Variants in FRMPD3 observed in about 807,000 individuals in gnomAD.
FRMPD3 encodes FERM and PDZ domain-containing protein 3.
A neutral mutation model predicts 97.9 loss-of-function variants in FRMPD3; 42 were observed. The observed-to-expected ratio is 0.43, with a 90% CI of 0.34 to 0.55. The LOEUF is 0.55. Among genes scored for constraint, FRMPD3 ranks in the 20% least tolerant of loss-of-function variants. The pLI, the probability that FRMPD3 is intolerant of heterozygous loss-of-function variation, is 0.03. For missense variants in FRMPD3, 1,303 were observed against 1,457.7 expected (o/e 0.89, Z 1.73); for synonymous variants, 577 against 581.1 (o/e 0.99, Z 0.10).
intron 4 of FRMPD3, 77 bp downstream of exon 4, chrX:107,533,627 G>T: frequency 1.0e-6 from 1 of 973,158 alleles, no homozygotes. Context: ...AAGCAACAGT[G>T]ATGGGGTTGG....
Position 107,603,593 on chromosome X carries a change from T to A in FRMPD3, c.*220T>A. 1 of 621,170 alleles carries A rather than the reference T, an allele frequency of 1.6e-6. No homozygotes were observed. The highest frequency in any genetic ancestry group is 2.3e-6 in the Non-Finnish European group (1 of 435,649). The allele number at this position is 621,170 out of a possible 1,213,427, so 51.2% of individuals were successfully genotyped here. A position where few individuals can be genotyped will look rare whatever the true frequency, so the allele number is the denominator to read the frequency against. On this transcript the variant is annotated 3_prime_UTR_variant, in exon 15 of 15. Transcript: ENST00000683843. The stretch of plus-strand genomic sequence containing the variant: ...GTGTCCTCACCCCTTCCCTGGCCTC[T>A]GGGCCTCACTGTGAGGGCAAAGGCC...
rs757690539 is a variant in FRMPD3, at chrX:107,457,784, C to T, written c.-8+7779C>T. 9.8e-5 allele frequency among the ~76,000 whole-genome samples: 11 copies of T among 112,125 alleles called. No individual in the cohort carries two copies. The South Asian group carries it at 3.4e-3, about 35-fold the overall frequency. On this transcript the variant is annotated intron_variant, in intron 1 of 14. Coordinates refer to ENST00000683843, the MANE Select transcript of FRMPD3 (RefSeq NM_001388459.1). Reference sequence around the variant, plus strand: ...TGAATTGGATTAGGTGAGAACTACTCTCAGCTCCATCCCATCATACCCTCC... The same window carrying T: ...TGAATTGGATTAGGTGAGAACTACTTTCAGCTCCATCCCATCATACCCTCC...
At chrX:107,480,698 G>A (rs924984464) in intron 1 of FRMPD3, among the ~76,000 whole-genome samples, 1 of 107,451 alleles carries the variant, frequency 9.3e-6, no homozygotes, top group Non-Finnish European at 1.9e-5. Flanking sequence ...ATGTGGTGGC[G>A]GGTGCCTATA....
Position 107,560,369 on chromosome X carries a change from A to G in FRMPD3, c.875A>G (p.Gln292Arg). The stretch of plus-strand genomic sequence containing the variant: ...ACTGTCTCAGCCACTCGACCTAGTC[A>G]GAAGATCTCGCTCAAGAATGTGGAG... ...YITVSATRPS[Q>R]KISLKNVEKE... The change falls in exon 9 of 15, where the codon CAG (glutamine) becomes CGG (arginine). Residue 292 changes from glutamine to arginine, a missense_variant. Gln to Arg is a conservative substitution (Grantham distance 43). This residue lies in a region of FRMPD3 where 535 missense variants were observed against 618.6 expected (regional missense o/e 0.86). Transcript: ENST00000683843. 1 of 1,209,854 alleles carries G rather than the reference A, an allele frequency of 8.3e-7. No homozygotes were observed. Among genetic ancestry groups the G allele is most frequent in the Non-Finnish European group, 1.1e-6 (1 of 895,212 alleles).
At chrX:107,532,176 G>A (rs948130866) in intron 3 of FRMPD3, among the ~76,000 whole-genome samples, 9 of 112,931 alleles carry the variant, frequency 8.0e-5, no homozygotes, top group Non-Finnish European at 1.9e-5. Flanking sequence ...AGTAGATCTA[G>A]GTAAAGAGGA....
intron 11 of FRMPD3, among the ~76,000 whole-genome samples, chrX:107,563,787 A>G (rs1045315203): frequency 3.6e-5 from 4 of 111,703 alleles, no homozygotes; most frequent in Non-Finnish European, 5.6e-5. Context: ...TTTGTTCCAC[A>G]TACTCCCACA....
chrX:107,520,016 G>T (rs1402300933), intron 1 of FRMPD3, among the ~76,000 whole-genome samples: 2 of 111,085 alleles, frequency 1.8e-5, no homozygotes, highest in African/African-American at 3.3e-5. Context: ...ATTTGAAAGG[G>T]AGGAGAAAAA....
intron 4 of FRMPD3, among the ~76,000 whole-genome samples, chrX:107,539,420 G>A (rs1035444146): frequency 2.5e-4 from 28 of 111,962 alleles, no homozygotes; most frequent in African/African-American, 8.8e-4. Context: ...CACACAGTAG[G>A]CACTCAGTAA....
At chrX:107,530,374 C>T in intron 2 of FRMPD3, 35 bp from the exon 3 acceptor site, 1 of 1,099,386 alleles carries the variant, frequency 9.1e-7, no homozygotes, top group Non-Finnish European at 1.2e-6. Context: ...CAGCAGTAAC[C>T]CTAAGCCCTC....
At chrX:107,455,875 G>A in intron 1 of FRMPD3, among the ~76,000 whole-genome samples, 1 of 111,314 alleles carries the variant, frequency 9.0e-6, no homozygotes, top group Non-Finnish European at 1.9e-5. Context: ...AGTGCCTAGT[G>A]CATAGAAGAG....
Position 107,485,473 on chromosome X carries a change from A to G in FRMPD3, c.-8+35468A>G, listed in dbSNP as rs762652796. Among the ~76,000 whole-genome samples, 5 of 112,846 alleles carry G rather than the reference A, an allele frequency of 4.4e-5. No homozygotes were observed. The East Asian group carries it at 1.4e-3, about 31-fold the overall frequency. ...CTATTCAGATGTAGCAACAGTTTCA[A>G]TTTTATTCAACCACGTTAGAAAATA... On this transcript the variant is annotated intron_variant, in intron 1 of 14. Coordinates refer to ENST00000683843, the MANE Select transcript of FRMPD3 (RefSeq NM_001388459.1).
intron 1 of FRMPD3, among the ~76,000 whole-genome samples, chrX:107,481,206 T>G (rs1157968829): frequency 2.7e-5 from 3 of 112,038 alleles, no homozygotes; most frequent in Non-Finnish European, 5.6e-5. Flanking sequence ...GCTTTGCTGA[T>G]GAGGGAGAAG....
At chrX:107,550,807 T>G (rs1921831186) in intron 6 of FRMPD3, among the ~76,000 whole-genome samples, 1 of 111,771 alleles carries the variant, frequency 8.9e-6, no homozygotes, top group African/African-American at 3.3e-5. Flanking sequence ...AAATATCCAT[T>G]CCTGCATCTT....
At chrX:107,450,173 G>A (rs1490289957) in intron 1 of FRMPD3, among the ~76,000 whole-genome samples, 168 bp downstream of exon 1, 2 of 111,242 alleles carry the variant, frequency 1.8e-5, no homozygotes, top group Admixed American at 9.3e-5. Flanking sequence ...GCCGCCCGGA[G>A]TTTGGGCGGG....
In FRMPD3 at chrX:107,480,048, A is replaced by C. The variant is rs187308661; in HGVS notation, c.-8+30043A>C. On this transcript the variant is annotated intron_variant, in intron 1 of 14. Transcript: ENST00000683843. ...ACCCTGTCTCATTTAAAAAAAAAAA[A>C]AAAACCATGATTATTGTATTGGTCT... 2.6e-3 allele frequency among the ~76,000 whole-genome samples: 284 copies of C among 110,463 alleles called. 2 individuals are homozygous for C. The highest frequency in any genetic ancestry group is 2.6e-3 in the Non-Finnish European group (138 of 52,887).
At chrX:107,593,067 C>T (rs12012807) in intron 13 of FRMPD3, among the ~76,000 whole-genome samples, 4,544 of 111,507 alleles carry the variant, frequency 0.041, 211 homozygotes, top group African/African-American at 0.14. Flanking sequence ...TGTGCTATCG[C>T]GCCCAGCCAT....
At chrX:107,545,915 G>A in intron 5 of FRMPD3, 74 bp downstream of exon 5, 4 of 814,553 alleles carry the variant, frequency 4.9e-6, no homozygotes, top group Admixed American at 2.5e-5. Flanking sequence ...TCGCTCTGGG[G>A]CTTCTTATAG....
chrX:107,449,710 C>A lies in FRMPD3; in HGVS notation c.-303C>A, dbSNP rs1931237763. Among the ~76,000 whole-genome samples the A allele has an allele frequency of 9.1e-6, 1 of 109,645 alleles. No homozygotes were observed. Among genetic ancestry groups the A allele is most frequent in the African/African-American group, 3.3e-5 (1 of 30,395 alleles). ...GGCGATGGTGCCGCCCGCGGCGCAG[C>A]CATGAAGCCCGCCCGAGGAGCCCGC... On this transcript the variant is annotated 5_prime_UTR_variant, in exon 1 of 15. Coordinates refer to ENST00000683843, the MANE Select transcript of FRMPD3 (RefSeq NM_001388459.1).
chrX:107,576,777 G>A (rs1189001665), intron 13 of FRMPD3, among the ~76,000 whole-genome samples: 1 of 112,142 alleles, frequency 8.9e-6, no homozygotes, highest in Non-Finnish European at 1.9e-5. Flanking sequence ...AAACTTAGCG[G>A]TGCAGAGATC....
Sources: allele counts gnomAD v4.1 joint callset (sites outside exome capture counted in the v4.1 genomes callset), GRCh38; gene constraint gnomAD v4.1.1; regional missense constraint gnomAD v4.1.1; transcripts MANE v1.5; gene names NCBI Gene and HGNC (gene_info 2026-07-23, HGNC 2026-07-21).